The following ATXN2 variants were observed in gnomAD, a reference collection of about 807,000 sequenced individuals.
ATXN2 encodes ataxin 2, also known as ataxin-2.
Under a neutral mutation model 138.6 loss-of-function variants are expected in ATXN2, and 37 were observed. The observed-to-expected ratio is 0.27, with a 90% confidence interval of 0.21 to 0.35. ATXN2 has a LOEUF of 0.35. Among genes scored for constraint, ATXN2 ranks in the 10% least tolerant of loss-of-function variants. The probability of loss-of-function intolerance (pLI) is 1.00; values close to 1 mark genes in which losing one functional copy is unlikely to be tolerated. For missense variants in ATXN2, 1,216 were observed against 1,480.3 expected, an observed-to-expected ratio of 0.82 and a Z score of 2.93; for synonymous variants, 549 against 543.7, an observed-to-expected ratio of 1.01 and a Z score of -0.13.
At chr12:111,505,204 G>C (rs1030453238) in intron 14 of ATXN2, among the ~76,000 whole-genome samples, 3 of 152,010 alleles carry the variant, frequency 2.0e-5, no homozygotes, top group African/African-American at 7.2e-5. Flanking sequence ...GCGAGATTCT[G>C]TGTCAAAAGA....
intron 1 of ATXN2, among the ~76,000 whole-genome samples, chr12:111,581,142 A>T (rs1883981793): frequency 6.6e-6 from 1 of 150,922 alleles, no homozygotes; most frequent in Non-Finnish European, 1.5e-5. Context: ...TCTCAAAAAA[A>T]AAAAAAAAAA....
At chr12:111,535,861 G>A (rs992596426) in intron 5 of ATXN2, among the ~76,000 whole-genome samples, 72 of 150,536 alleles carry the variant, frequency 4.8e-4, no homozygotes, top group African/African-American at 1.6e-3. Context: ...TTAGCCGGGC[G>A]TAGTGGCGGG....
chr12:111,507,506 C>T (rs1266295193), intron 14 of ATXN2, among the ~76,000 whole-genome samples: 17 of 151,356 alleles, frequency 1.1e-4, no homozygotes, highest in Non-Finnish European at 2.1e-4. Context: ...GGTCAGCCCC[C>T]GCCCGGCCAG....
intron 18 of ATXN2, among the ~76,000 whole-genome samples, chr12:111,472,814 T>C (rs185478048): frequency 3.2e-4 from 49 of 152,118 alleles, no homozygotes; most frequent in African/African-American, 1.2e-3. Flanking sequence ...CCTCAGGTGA[T>C]CTGCCCACCT....
At chr12:111,544,479 T>G (rs534903613) in intron 5 of ATXN2, among the ~76,000 whole-genome samples, 2 of 152,338 alleles carry the variant, frequency 1.3e-5, no homozygotes, top group African/African-American at 4.8e-5. Flanking sequence ...CTGTCTTTAC[T>G]TGGAGCACAA....
chr12:111,597,634 C>A, intron 1 of ATXN2: 1 of 433,658 alleles, frequency 2.3e-6, no homozygotes, highest in Non-Finnish European at 4.7e-6. Flanking sequence ...CCCCAACAGG[C>A]CCTCCTGCAC....
intron 14 of ATXN2, among the ~76,000 whole-genome samples, chr12:111,506,926 G>A (rs537785971): frequency 1.1e-3 from 172 of 152,158 alleles, no homozygotes; most frequent in African/African-American, 3.6e-3. Context: ...TCGGCCTCCC[G>A]AGGTGCCGGG....
intron 5 of ATXN2, among the ~76,000 whole-genome samples, chr12:111,526,400 T>C (rs1465838536): frequency 4.5e-5 from 6 of 134,590 alleles, no homozygotes; most frequent in Admixed American, 4.2e-4. Context: ...ATCAAAAATA[T>C]CTCTTTTTTT....
chr12:111,509,354 A>G (rs555836700), intron 14 of ATXN2, among the ~76,000 whole-genome samples, 195 bp downstream of exon 14: 9 of 152,352 alleles, frequency 5.9e-5, no homozygotes, highest in African/African-American at 2.2e-4. Context: ...ATACCTACAT[A>G]TTGTTGTTAC....
chr12:111,547,309 C>G (rs1881847132), intron 5 of ATXN2, among the ~76,000 whole-genome samples: 1 of 152,186 alleles, frequency 6.6e-6, no homozygotes, highest in Non-Finnish European at 1.5e-5. Context: ...CGCCTATAAT[C>G]CCAGCTCCTC....
chr12:111,525,379 T>C, intron 5 of ATXN2, 63 bp from the exon 6 acceptor site: 1 of 1,415,050 alleles, frequency 7.1e-7, no homozygotes, highest in East Asian at 2.5e-5. Flanking sequence ...CTCACACACG[T>C]GAATTACCAA....
intron 1 of ATXN2, among the ~76,000 whole-genome samples, chr12:111,594,534 G>A (rs1444631860): frequency 6.6e-6 from 1 of 151,918 alleles, no homozygotes; most frequent in East Asian, 1.9e-4. Context: ...AGAGAAAGAA[G>A]CAGTAAAAAT....
intron 1 of ATXN2, among the ~76,000 whole-genome samples, chr12:111,588,456 C>A (rs1313536892): frequency 1.3e-5 from 2 of 152,062 alleles, no homozygotes; most frequent in South Asian, 2.1e-4. Flanking sequence ...AACCCCATCT[C>A]TACTAAAATA....
At chr12:111,495,864 C>G (rs953398849) in intron 14 of ATXN2, among the ~76,000 whole-genome samples, 2 of 151,930 alleles carry the variant, frequency 1.3e-5, no homozygotes, top group African/African-American at 4.8e-5. Context: ...AAAGATTTGA[C>G]GTGGCACAGT....
chr12:111,581,693 C>G lies in ATXN2; in HGVS notation c.251+17091G>C, dbSNP rs150876324. 6.9e-4 allele frequency: 475 copies of G among 684,886 alleles called. 3 individuals carry two copies. In the African/African-American group the frequency reaches 7.2e-3, roughly 10 times the overall value. 42.4% of individuals were successfully genotyped at this position (684,886 alleles called of 1,614,324 possible). ...GGCCTATGCCTTTACCGCCAAGTGC[C>G]TGAACATCTGGGCCCTGATTGTGCG... On this transcript the variant is annotated intron_variant, in intron 1 of 24. Coordinates refer to ENST00000673436, the MANE Select transcript of ATXN2 (RefSeq NM_001372574.1).
intron 12 of ATXN2, 75 bp downstream of exon 12, chr12:111,510,310 T>C (rs1879427826): frequency 6.8e-7 from 1 of 1,463,218 alleles, no homozygotes. Context: ...ACCTAGAATT[T>C]TTTCATATAA....
Position 111,542,336 on chromosome 12 carries a change from T to C in ATXN2, c.571+9944A>G, listed in dbSNP as rs150983594. Among the ~76,000 whole-genome samples the C allele has an allele frequency of 4.5e-3, 678 of 152,144 alleles. 3 individuals are homozygous for C. Among genetic ancestry groups the C allele is most frequent in the African/African-American group, 0.015 (624 of 41,512 alleles). ...AACTCCGTCTCCTGGATTCAAGCGA[T>C]TCTCCTGCCTCAGCCTCCCAAGTAG... On this transcript the variant is annotated intron_variant, in intron 5 of 24. Transcript: ENST00000673436.
At position 111,480,694 on chromosome 12, in the gene ATXN2, G is replaced by A. The variant is rs79109141; in HGVS notation, c.2524+4571C>T. Among the ~76,000 whole-genome samples, 190 of 152,170 alleles carry A rather than the reference G, an allele frequency of 1.2e-3. 2 individuals are homozygous for A. The East Asian group carries it at 0.019, about 15-fold the overall frequency. ...AATAAACAAACAAACAATTTAAGAG[G>A]AAAGAATAGTCTTTTCAACAAATGA... On this transcript the variant is annotated intron_variant, in intron 18 of 24. Transcript: ENST00000673436.
intron 1 of ATXN2, among the ~76,000 whole-genome samples, chr12:111,595,393 G>A (rs1285306555): frequency 6.6e-6 from 1 of 152,156 alleles, no homozygotes; most frequent in Non-Finnish European, 1.5e-5. Flanking sequence ...TGCAATCCCA[G>A]CACTTTGGGA....
Sources: gnomAD v4.1 joint callset for allele counts (sites outside exome capture counted in the v4.1 genomes callset) on GRCh38, gnomAD v4.1.1 for gene constraint, MANE v1.5 for transcripts, NCBI Gene and HGNC (gene_info 2026-07-23, HGNC 2026-07-21) for gene names.